The following CLCNKB variants were observed in gnomAD, a reference collection of about 807,000 sequenced individuals.
CLCNKB encodes chloride channel protein ClC-Kb.
A neutral mutation model predicts 83.8 loss-of-function variants in CLCNKB; 74 were observed. That is an observed-to-expected ratio of 0.88 (90% confidence interval 0.73 to 1.07). The LOEUF is 1.07. Ranked by LOEUF, CLCNKB falls within the 50% of genes least tolerant of loss-of-function variation. The pLI is 0.00. For synonymous variants in CLCNKB, 358 were observed against 356.6 expected (o/e 1.00, Z -0.04); for missense variants, 798 against 893.6 (o/e 0.89, Z 1.36).
intron 5 of CLCNKB, 106 bp from the exon 6 acceptor site, chr1:16,048,237 G>T: frequency 6.7e-7 from 1 of 1,499,032 alleles, no homozygotes. Flanking sequence ...GGCCGTGGGG[G>T]CTTGGGAGAT....
chr1:16,050,468 G>C (rs1327023672), intron 10 of CLCNKB, 48 bp from the exon 11 acceptor site: 3 of 1,588,782 alleles, frequency 1.9e-6, no homozygotes, highest in Non-Finnish European at 2.6e-6. Flanking sequence ...CTCTCCTTGG[G>C]ATGTGGGAAA....
At chr1:16,049,098 C>T in intron 7 of CLCNKB, 22 bp from the exon 8 acceptor site, 1 of 1,613,646 alleles carries the variant, frequency 6.2e-7, no homozygotes, top group Non-Finnish European at 8.5e-7. Flanking sequence ...GAGGGCCCAC[C>T]TGAGATCAGT....
rs2023270263 is a variant in CLCNKB at position 16,050,955 on chromosome 1, G to A, written c.1134G>A (p.Trp378Ter). The A allele has an allele frequency of 6.2e-7, 1 of 1,613,658 alleles. No individual in the cohort carries two copies. Among genetic ancestry groups the A allele is most frequent in the Admixed American group, 1.7e-5 (1 of 59,998 alleles). Residue 378 changes from tryptophan (W) to a stop codon, truncating the protein, a stop_gained, in exon 12 of 20, where the codon TGG (tryptophan) becomes TGA (stop). Transcript: ENST00000375679. LOFTEE classifies it high-confidence loss of function. ...ALMTQNSSPP[W>*]PEELDPQHLW... ...TGACCCAGAACTCCAGCCCACCCTG[G>A]CCCGAGGAGCTCGACCCCCAGCACC...
chr1:16,054,305 G>A (rs1259317806), intron 16 of CLCNKB, among the ~76,000 whole-genome samples: 2 of 152,184 alleles, frequency 1.3e-5, no homozygotes, highest in Non-Finnish European at 2.9e-5. Context: ...ACTCAAGGCT[G>A]CTGTCAGCCC....
Position 16,047,962 on chromosome 1 carries a change from T to G in CLCNKB, c.416T>G (p.Leu139Arg), listed in dbSNP as rs768504571. ...MLAGVVLEDY[L>R]DIKNFGAKVV... ...GCGGGTGTGGTCTTGGAGGACTACC[T>G]GGATATCAAGAACTTTGGGGCCAAA... Residue 139 changes from leucine (L) to arginine (R), a missense_variant, in exon 5 of 20, where the codon CTG becomes CGG. Leu to Arg is a moderately radical substitution (Grantham distance 102). Coordinates refer to ENST00000375679, the MANE Select transcript of CLCNKB (RefSeq NM_000085.5). The G allele has an allele frequency of 1.2e-6, 2 of 1,614,088 alleles. No individual in the cohort carries two copies. Among genetic ancestry groups the G allele is most frequent in the Admixed American group, 3.3e-5 (2 of 60,014 alleles).
intron 17 of CLCNKB, 29 bp downstream of exon 17, chr1:16,055,552 G>T (rs770441312): frequency 1.6e-5 from 25 of 1,536,936 alleles, no homozygotes; most frequent in Middle Eastern, 1.8e-4. Context: ...CATGGGGATG[G>T]GGCGGGGGTG....
Position 16,050,913 on chromosome 1 carries a change from C to T in CLCNKB, c.1092C>T (p.Asn364=), listed in dbSNP as rs151266668. 1.1e-3 allele frequency: 1,722 copies of T among 1,612,782 alleles called. 4 individuals carry two copies. The highest frequency in any genetic ancestry group is 1.3e-3 in the Non-Finnish European group (1,494 of 1,179,914). Residue 364 remains asparagine (N), a synonymous_variant, in exon 12 of 20, where the codon AAC becomes AAT. Transcript: ENST00000375679. ...MKQHLDSLFD[N]HSWALMTQNS... is the part of the protein sequence containing the mutation. The stretch of plus-strand genomic sequence containing the variant: ...AGCATCTGGACTCGCTGTTCGACAA[C>T]CACTCCTGGGCGCTGATGACCCAGA...
rs755381218 is a variant in CLCNKB at position 16,053,644 on chromosome 1, A to G, written c.1628A>G (p.His543Arg). 1 of 1,613,800 alleles carries G rather than the reference A, an allele frequency of 6.2e-7. No individual in the cohort carries two copies. The highest frequency in any genetic ancestry group is 1.7e-5 in the Admixed American group (1 of 59,980). Residue 543 changes from histidine (H) to arginine (R), a missense_variant, in exon 16 of 20, where the codon CAC becomes CGC. Transcript: ENST00000375679. ...GGGAGCCCCTCTGCCTGCAGTTCCC[A>G]CCGCGTGAGGGTGGAGCACTTCATG... ...PRILGRNIGS[H>R]RVRVEHFMNH...
intron 12 of CLCNKB, 104 bp downstream of exon 12, chr1:16,051,152 C>G: frequency 1.3e-6 from 2 of 1,550,828 alleles, no homozygotes; most frequent in Non-Finnish European, 1.8e-6. Flanking sequence ...GCCTTCCACC[C>G]ACATTTCCTG....
At position 16,053,626 on chromosome 1, in the gene CLCNKB, C is replaced by T. The variant is rs780672809; in HGVS notation, c.1623-13C>T. The T allele has an allele frequency of 6.2e-7, 1 of 1,613,820 alleles. No homozygotes were observed. The highest frequency in any genetic ancestry group is 8.5e-7 in the Non-Finnish European group (1 of 1,180,028). On this transcript the variant is annotated splice_polypyrimidine_tract_variant and intron_variant, in intron 15 of 19. Coordinates refer to ENST00000375679, the MANE Select transcript of CLCNKB (RefSeq NM_000085.5). Reference sequence around the variant, plus strand: ...CTGACTGTGGGGCCTGATGGGAGCCCCTCTGCCTGCAGTTCCCACCGCGTG... The same window carrying T: ...CTGACTGTGGGGCCTGATGGGAGCCTCTCTGCCTGCAGTTCCCACCGCGTG...
intron 16 of CLCNKB, among the ~76,000 whole-genome samples, chr1:16,054,291 G>A (rs2023380551): frequency 6.6e-6 from 1 of 152,164 alleles, no homozygotes; most frequent in East Asian, 1.9e-4. Flanking sequence ...GGGTAACCCT[G>A]CTCACTCAAG....
In CLCNKB at chr1:16,052,216, G is replaced by A; in HGVS notation, c.1427G>A (p.Gly476Glu). The A allele has an allele frequency of 6.2e-7, 1 of 1,613,146 alleles. No homozygotes were observed. Among genetic ancestry groups the A allele is most frequent in the South Asian group, 1.1e-5 (1 of 91,082 alleles). Residue 476 changes from glycine to glutamate, a missense_variant, in exon 15 of 20, where the codon GGG (glycine) becomes GAG (glutamate). Gly to Glu is a moderately conservative substitution (Grantham distance 98). Coordinates refer to ENST00000375679, the MANE Select transcript of CLCNKB (RefSeq NM_000085.5). Reference protein sequence around the residue: ...YALAGAAAFSGAVTHTISTAL... With the variant: ...YALAGAAAFSEAVTHTISTAL... ...CTTGCAGGGGCTGCAGCCTTCTCAG[G>A]GGCTGTGACCCACACCATCTCCACG...
intron 4 of CLCNKB, among the ~76,000 whole-genome samples, chr1:16,047,126 C>T (rs747109360): frequency 3.9e-4 from 60 of 152,256 alleles, no homozygotes; most frequent in Non-Finnish European, 7.4e-4. Context: ...TGCTCGGTGT[C>T]CAAATCTGCT....
rs761186544 is a variant in CLCNKB at position 16,052,207 on chromosome 1, C to A, written c.1418C>A (p.Ala473Asp). The A allele has an allele frequency of 6.2e-7, 1 of 1,613,024 alleles. No homozygotes were observed. Among genetic ancestry groups the A allele is most frequent in the South Asian group, 1.1e-5 (1 of 91,076 alleles). ...GACTCTGCCCTTGCAGGGGCTGCAG[C>A]CTTCTCAGGGGCTGTGACCCACACC... ...PGGYALAGAA[A>D]FSGAVTHTIS... The change falls in exon 15 of 20, where the codon GCC (alanine) becomes GAC (aspartate). Residue 473 changes from alanine (A) to aspartate (D), a missense_variant. Coordinates refer to ENST00000375679, the MANE Select transcript of CLCNKB (RefSeq NM_000085.5).
chr1:16,049,223 G>T lies in CLCNKB; in HGVS notation c.759G>T (p.Leu253=), dbSNP rs367985309. The change falls in exon 8 of 20, where the codon CTG becomes CTT. Residue 253 remains leucine (L), a synonymous_variant. Coordinates refer to ENST00000375679, the MANE Select transcript of CLCNKB (RefSeq NM_000085.5). ...ATCGAFMFRL[L]AVFNSEQETI... ...GCGGGGCCTTCATGTTCCGGCTCCT[G>T]GCGGTCTTCAACAGCGAGCAGGGTG... The T allele has an allele frequency of 1.2e-6, 2 of 1,613,856 alleles. No individual in the cohort carries two copies. Among genetic ancestry groups the T allele is most frequent in the Non-Finnish European group, 1.7e-6 (2 of 1,179,950 alleles).
rs773916073 is a variant in CLCNKB at position 16,050,925 on chromosome 1, G to C, written c.1104G>C (p.Ala368=). The C allele has an allele frequency of 3.7e-6, 6 of 1,612,926 alleles. No homozygotes were observed. In the African/African-American group the frequency reaches 8.0e-5, roughly 22 times the overall value. The change falls in exon 12 of 20, where the codon GCG becomes GCC. Residue 368 remains alanine, a synonymous_variant. Coordinates refer to ENST00000375679, the MANE Select transcript of CLCNKB (RefSeq NM_000085.5). The stretch of plus-strand genomic sequence containing the variant: ...CGCTGTTCGACAACCACTCCTGGGC[G>C]CTGATGACCCAGAACTCCAGCCCAC... The part of the protein sequence containing the change: ...LDSLFDNHSW[A]LMTQNSSPPW...
intron 12 of CLCNKB, 130 bp downstream of exon 12, chr1:16,051,178 A>G: frequency 1.4e-6 from 2 of 1,407,512 alleles, no homozygotes; most frequent in South Asian, 2.4e-5. Context: ...CCCCCTGCCC[A>G]TTGCATGGTC....
Position 16,049,925 on chromosome 1 carries a change from C to A in CLCNKB, c.968+9C>A. 1 of 1,611,354 alleles carries A rather than the reference C, an allele frequency of 6.2e-7. No homozygotes were observed. The highest frequency in any genetic ancestry group is 8.5e-7 in the Non-Finnish European group (1 of 1,177,726). ...AAACTGCTGGCCACCAGGTAGGCTC[C>A]GGGCTAAGGGCTGGGGACCTCTCAG... On this transcript the variant is annotated intron_variant, in intron 10 of 19. Transcript: ENST00000375679.
At chr1:16,049,393 A>T (rs2023209379) in intron 8 of CLCNKB, 148 bp downstream of exon 8, 2 of 1,518,352 alleles carry the variant, frequency 1.3e-6, no homozygotes, top group East Asian at 2.4e-5. Context: ...TTCTGGGAGG[A>T]TGGAGGGGGC....
Sources: allele counts gnomAD v4.1 joint callset (sites outside exome capture counted in the v4.1 genomes callset), GRCh38; gene constraint gnomAD v4.1.1; transcripts MANE v1.5; gene names NCBI Gene and HGNC (gene_info 2026-07-23, HGNC 2026-07-21).